The following CC2D1A variants were observed in gnomAD, a reference collection of about 807,000 sequenced individuals.
The protein encoded by CC2D1A is coiled-coil and C2 domain-containing protein 1A.
In CC2D1A, 68 loss-of-function variants were observed where a neutral mutation model predicts 123.8. The ratio of observed to expected loss-of-function variants is 0.55; its 90% CI spans 0.45 to 0.67. The LOEUF is 0.67. Ranked by LOEUF, CC2D1A falls within the 30% of genes least tolerant of loss-of-function variation. CC2D1A has a pLI of 0.00. For synonymous variants in CC2D1A, 477 were observed against 528.0 expected (o/e 0.90, Z 1.32); for missense variants, 1,185 against 1,290.3 (o/e 0.92, Z 1.25).
At chr19:13,927,752 A>G (rs1971696369) in intron 22 of CC2D1A, 141 bp from the exon 23 acceptor site, 3 of 891,858 alleles carry the variant, frequency 3.4e-6, no homozygotes, top group Non-Finnish European at 5.2e-6. Flanking sequence ...ACTGCACTCC[A>G]GCCTGGACAA....
At position 13,918,063 on chromosome 19, in the gene CC2D1A, CT is replaced by C. The variant is rs767285266; in HGVS notation, c.749-5del. ...GGAGGCTTCCTGTATGTTGTTCTCC[CT>C]TCCAGGTCCCTGCAGCCCTGGCCCT... is the stretch of plus-strand genomic sequence containing the variant. On this transcript the variant is annotated splice_region_variant and splice_polypyrimidine_tract_variant and intron_variant, in intron 6 of 28. Transcript: ENST00000318003. 1.2e-6 allele frequency: 2 copies of C among 1,613,082 alleles called. No individual in the cohort carries two copies.
At chr19:13,919,789 C>T in intron 11 of CC2D1A, 29 bp from the exon 12 acceptor site, 5 of 1,568,584 alleles carry the variant, frequency 3.2e-6, no homozygotes, top group East Asian at 2.3e-5. Context: ...TCCTGACACA[C>T]AATAACCAGG....
intron 12 of CC2D1A, chr19:13,920,329 C>G (rs1199845085): frequency 1.8e-6 from 1 of 546,060 alleles, no homozygotes; most frequent in Non-Finnish European, 3.2e-6. Flanking sequence ...GAGCCAAGAT[C>G]GTGCTACTGC....
rs570365286 is a variant in CC2D1A, at chr19:13,930,715, G to C, written c.*320G>C. Reference sequence around the variant, plus strand: ...GGCCAAGCCCCGAGGGCCCCTGCAAGCACTTTACTTCCTGTTCCTCCCCAG... The same window carrying C: ...GGCCAAGCCCCGAGGGCCCCTGCAACCACTTTACTTCCTGTTCCTCCCCAG... On this transcript the variant is annotated 3_prime_UTR_variant, in exon 29 of 29. Transcript: ENST00000318003. This position sits in a 1 kb window ranked among gnomAD's most constrained non-coding sequence, Gnocchi z 6.8. 20 of 465,782 alleles carry C rather than the reference G, an allele frequency of 4.3e-5. No individual in the cohort carries two copies. Among genetic ancestry groups the C allele is most frequent in the African/African-American group, 3.0e-4 (15 of 50,576 alleles). 28.9% of individuals were successfully genotyped at this position (465,782 alleles called of 1,614,324 possible). A position where few individuals can be genotyped will look rare whatever the true frequency, so the allele number is the denominator to read the frequency against.
chr19:13,927,425 C>G, intron 22 of CC2D1A, 160 bp downstream of exon 22: 1 of 624,068 alleles, frequency 1.6e-6, no homozygotes, highest in Non-Finnish European at 2.9e-6. Flanking sequence ...TAAATACTTG[C>G]AGTACCCCAC....
At position 13,913,299 on chromosome 19, in the gene CC2D1A, TAAAG is replaced by T. The variant is rs777057767; in HGVS notation, c.511_513+1del. 11 of 1,611,846 alleles carry T rather than the reference TAAAG, an allele frequency of 6.8e-6. No homozygotes were observed. In the South Asian group the frequency reaches 1.2e-4, roughly 18 times the overall value. ...AGATGCGGCGCTACGATCGGGGGCTTAAAGTAAGTGGGCAGAGGGCAGGGTACAG... is the reference window on the plus strand; with the variant it reads ...AGATGCGGCGCTACGATCGGGGGCTTTAAGTGGGCAGAGGGCAGGGTACAG... On this transcript the variant is annotated splice_donor_variant and coding_sequence_variant, in exon 5 of 29. Transcript: ENST00000318003. LOFTEE classifies it high-confidence loss of function.
rs938610823 is a variant in CC2D1A at position 13,929,612 on chromosome 19, C to T, written c.2662C>T (p.Gln888Ter). ...GTACCAGGACATCATGCAACGCAGC[C>T]AGTGGCAGAGGGCACAGCTGGAGCA... is the stretch of plus-strand genomic sequence containing the variant. Reference protein sequence around the residue: ...QQYQDIMQRSQWQRAQLEQGG... With the variant: ...QQYQDIMQRS Residue 888 changes from glutamine (Q) to a stop codon, truncating the protein, a stop_gained, in exon 26 of 29, where the codon CAG becomes TAG. Transcript: ENST00000318003. LOFTEE classifies it high-confidence loss of function. 6.3e-7 allele frequency: 1 copy of T among 1,590,812 alleles called. No individual in the cohort carries two copies. The highest frequency in any genetic ancestry group is 8.5e-7 in the Non-Finnish European group (1 of 1,172,156).
intron 6 of CC2D1A, among the ~76,000 whole-genome samples, chr19:13,917,650 T>A (rs1340565464): frequency 6.6e-6 from 1 of 151,682 alleles, no homozygotes; most frequent in Non-Finnish European, 1.5e-5. Context: ...GCCACTGCAC[T>A]CCAGTCTGGG....
At position 13,930,230 on chromosome 19, in the gene CC2D1A, C is replaced by G. The variant is rs1403852351; in HGVS notation, c.2788-12C>G. ...CTGCAGGGACTACCTGCTGAATGCC[C>G]ATCCCCCACAGGATGCTGCAAAGGA... On this transcript the variant is annotated splice_polypyrimidine_tract_variant and intron_variant, in intron 27 of 28. Transcript: ENST00000318003. The surrounding 1 kb of genome is among the most constrained non-coding windows in gnomAD (Gnocchi z 6.8). The G allele has an allele frequency of 1.9e-6, 3 of 1,613,912 alleles. No individual in the cohort carries two copies. Among genetic ancestry groups the G allele is most frequent in the Non-Finnish European group, 2.5e-6 (3 of 1,179,892 alleles).
chr19:13,917,957 T>G, intron 6 of CC2D1A, 113 bp from the exon 7 acceptor site: 9 of 1,147,742 alleles, frequency 7.8e-6, no homozygotes, highest in African/African-American at 1.6e-5. Flanking sequence ...GGCAACAGAG[T>G]GAGGCTCTGT....
chr19:13,924,310 A>G (rs1444761562), intron 17 of CC2D1A, among the ~76,000 whole-genome samples: 1 of 151,952 alleles, frequency 6.6e-6, no homozygotes, highest in Admixed American at 6.6e-5. Flanking sequence ...AGCTGGGACT[A>G]CAGCCGCCCA....
chr19:13,912,657 C>G, intron 4 of CC2D1A, 64 bp downstream of exon 4: 1 of 1,543,446 alleles, frequency 6.5e-7, no homozygotes, highest in Non-Finnish European at 8.9e-7. Context: ...GGTTCAAGAC[C>G]TAGCCTTTTT....
intron 26 of CC2D1A, 36 bp downstream of exon 26, chr19:13,929,696 AGCTCCAGGATAGGCATGGGGGGGGAGGT>A: frequency 3.3e-6 from 3 of 908,256 alleles, no homozygotes; most frequent in Non-Finnish European, 4.6e-6. Context: ...GTGGGGGAGG[AGCTCCAGGATAGGCATGGGGGGGGAGGT>A]GCTCAGGGAT....
chr19:13,928,273 T>C, intron 24 of CC2D1A, 85 bp downstream of exon 24: 2 of 1,174,982 alleles, frequency 1.7e-6, no homozygotes, highest in East Asian at 5.0e-5. Context: ...CAGGCACAAA[T>C]TGGACCACGT....
rs747475649 is a variant in CC2D1A, at chr19:13,920,579, C to T, written c.1379C>T (p.Thr460Ile). The stretch of plus-strand genomic sequence containing the variant: ...CAGCAGAACAGCCCTGTGGCCCCCA[C>T]AGCCCAGCCCAAAGCCCCACCCTCA... ...PKKQNSPVAPTAQPKAPPSRT... is the reference protein window; with the variant it reads ...PKKQNSPVAPIAQPKAPPSRT... The change falls in exon 13 of 29, where the codon ACA becomes ATA. Residue 460 changes from threonine (T) to isoleucine (I), a missense_variant. Thr to Ile is a moderately conservative substitution (Grantham distance 89). Transcript: ENST00000318003. 1.3e-5 allele frequency: 21 copies of T among 1,605,810 alleles called. No individual in the cohort carries two copies. Among genetic ancestry groups the T allele is most frequent in the Non-Finnish European group, 1.7e-5 (20 of 1,174,636 alleles).
In CC2D1A at chr19:13,912,520, C is replaced by G. The variant is rs777060126; in HGVS notation, c.313-8C>G. On this transcript the variant is annotated splice_region_variant and splice_polypyrimidine_tract_variant and intron_variant, in intron 3 of 28. Coordinates refer to ENST00000318003, the MANE Select transcript of CC2D1A (RefSeq NM_017721.5). ...CTTATATCCTGCCCTGGCTGTGTGT[C>G]CCTGCAGGCGGAGCTAAATGAGGTC... 1 of 1,614,104 alleles carries G rather than the reference C, an allele frequency of 6.2e-7. No individual in the cohort carries two copies. Among genetic ancestry groups the G allele is most frequent in the South Asian group, 1.1e-5 (1 of 91,076 alleles).
chr19:13,912,573 A>AC lies in CC2D1A; in HGVS notation c.362dup (p.Pro122ThrfsTer9). ...TGGAGAGGAGCAGAAGGCTTCAGAG[A>AC]CCCCACCTCCTGTGGCCCAGGTACA... is the stretch of plus-strand genomic sequence containing the variant. On this transcript the variant is annotated frameshift_variant, in exon 4 of 29. Coordinates refer to ENST00000318003, the MANE Select transcript of CC2D1A (RefSeq NM_017721.5). LOFTEE classifies it high-confidence loss of function. The AC allele has an allele frequency of 6.2e-7, 1 of 1,613,806 alleles. No homozygotes were observed. The highest frequency in any genetic ancestry group is 1.7e-5 in the Admixed American group (1 of 59,978).
At chr19:13,915,756 A>G (rs551135650) in intron 6 of CC2D1A, among the ~76,000 whole-genome samples, 93 of 152,154 alleles carry the variant, frequency 6.1e-4, no homozygotes, top group African/African-American at 2.1e-3. Flanking sequence ...GCTTGAGTCC[A>G]GGAGTTCAAG....
At position 13,927,088 on chromosome 19, in the gene CC2D1A, G is replaced by A. The variant is rs372732138; in HGVS notation, c.2225+11G>A. On this transcript the variant is annotated intron_variant, in intron 21 of 28. Coordinates refer to ENST00000318003, the MANE Select transcript of CC2D1A (RefSeq NM_017721.5). ...AGTGGTTCACAAGGGGTGAGCTAGAGAGAGCCATGGCCGCTGGGTGGGCTC... is the reference window on the plus strand; with the variant it reads ...AGTGGTTCACAAGGGGTGAGCTAGAAAGAGCCATGGCCGCTGGGTGGGCTC... The A allele has an allele frequency of 3.1e-6, 5 of 1,613,580 alleles. No homozygotes were observed. In the African/African-American group the frequency reaches 5.3e-5, roughly 17 times the overall value.
Sources: allele counts gnomAD v4.1 joint callset (sites outside exome capture counted in the v4.1 genomes callset), GRCh38; gene constraint gnomAD v4.1.1; non-coding constraint Gnocchi (gnomAD v3.1); transcripts MANE v1.5; gene names NCBI Gene and HGNC (gene_info 2026-07-23, HGNC 2026-07-21).